ULK4: variants seen among roughly 807,000 people sequenced by gnomAD.
ULK4 encodes the protein inactive serine/threonine-protein kinase ULK4.
A neutral mutation model predicts 160.6 loss-of-function variants in ULK4; 133 were observed. That is an observed-to-expected ratio of 0.83 (90% CI 0.72 to 0.96). ULK4 has a LOEUF of 0.96. Among genes scored for constraint, ULK4 ranks in the 40% least tolerant of loss-of-function variants. The pLI is 0.00. For synonymous variants in ULK4, 534 were observed against 539.8 expected (o/e 0.99, Z 0.15); for missense variants, 1,580 against 1,499.5 (o/e 1.05, Z -0.89).
rs1230204757 is a variant in ULK4, at chr3:41,592,570, AT to A, written c.3120+23098del. 5.3e-5 allele frequency among the ~76,000 whole-genome samples: 8 copies of A among 152,314 alleles called. No homozygotes were observed. In the East Asian group the frequency reaches 1.4e-3, roughly 26 times the overall value. On this transcript the variant is annotated intron_variant, in intron 31 of 36. Transcript: ENST00000301831. ...CTCAATAACCTATGGAAATAAAAAA[AT>A]TTTTTTAAATAACAATAAAAATAAA...
At chr3:41,626,581 AG>A (rs2033520179) in intron 30 of ULK4, among the ~76,000 whole-genome samples, 1 of 146,840 alleles carries the variant, frequency 6.8e-6, no homozygotes, top group Non-Finnish European at 1.5e-5. Flanking sequence ...GCTGGAGTGC[AG>A]TGGTGCAATC....
chr3:41,628,106 T>A (rs370093119), intron 30 of ULK4, among the ~76,000 whole-genome samples: 13 of 152,146 alleles, frequency 8.5e-5, no homozygotes, highest in African/African-American at 3.1e-4. Context: ...AAAAATGAAC[T>A]GGAAGAAGTG....
intron 35 of ULK4, among the ~76,000 whole-genome samples, chr3:41,377,616 T>C (rs879771704): frequency 6.9e-6 from 1 of 144,432 alleles, no homozygotes; most frequent in Non-Finnish European, 1.5e-5. Flanking sequence ...AAAAAACACA[T>C]GAAAAAATGC....
intron 31 of ULK4, among the ~76,000 whole-genome samples, chr3:41,582,524 T>C (rs1207896427): frequency 6.6e-6 from 1 of 152,204 alleles, no homozygotes; most frequent in Admixed American, 6.5e-5. Flanking sequence ...AGCCTCATGG[T>C]CAGCCCCATA....
Position 41,811,254 on chromosome 3 carries a change from T to C in ULK4, c.1848+8169A>G, listed in dbSNP as rs376975041. ...CCCTGTTACCCAGGCTGGAATGCAG[T>C]AGCACACTCATAGCTCACTACAGCC... On this transcript the variant is annotated intron_variant, in intron 19 of 36. Coordinates refer to ENST00000301831, the MANE Select transcript of ULK4 (RefSeq NM_017886.4). Among the ~76,000 whole-genome samples, 287 of 150,440 alleles carry C rather than the reference T, an allele frequency of 1.9e-3. 2 individuals are homozygous for C. The highest frequency in any genetic ancestry group is 6.9e-3 in the African/African-American group (283 of 40,870).
At chr3:41,911,779 G>A in intron 9 of ULK4, 120 bp from the exon 10 acceptor site, 1 of 750,394 alleles carries the variant, frequency 1.3e-6, no homozygotes, top group African/African-American at 1.7e-5. Flanking sequence ...CAAAGTTACA[G>A]AATCTCTTAA....
At position 41,961,550 on chromosome 3, in the gene ULK4, A is replaced by ACCCCTCCCCCCCC. The variant is rs57463009; in HGVS notation, c.-49+465_-49+466insGGGGGGGGAGGGG. ...ACTCAGGGGCGCTACGTAGTCACTC[A>ACCCCTCCCCCCCC]CCCCCCCCCCCCCCCCCCCCGCTCC... On this transcript the variant is annotated intron_variant, in intron 1 of 36. Transcript: ENST00000301831. 1.0e-3 allele frequency among the ~76,000 whole-genome samples: 127 copies of ACCCCTCCCCCCCC among 124,620 alleles called. 9 individuals are homozygous for ACCCCTCCCCCCCC. Among genetic ancestry groups the ACCCCTCCCCCCCC allele is most frequent in the Non-Finnish European group, 1.4e-3 (88 of 63,684 alleles). 81.8% of individuals were successfully genotyped at this position (124,620 alleles called of 152,430 possible).
At chr3:41,442,664 GC>G (rs1279704528) in intron 34 of ULK4, among the ~76,000 whole-genome samples, 1 of 151,578 alleles carries the variant, frequency 6.6e-6, no homozygotes, top group Admixed American at 6.6e-5. Flanking sequence ...TGTCACCATA[GC>G]TCACTGTTAC....
intron 34 of ULK4, among the ~76,000 whole-genome samples, chr3:41,433,536 G>A (rs981099593): frequency 6.6e-6 from 1 of 152,102 alleles, no homozygotes; most frequent in Non-Finnish European, 1.5e-5. Context: ...AATTTTCAGT[G>A]CAGTTCTCTT....
At chr3:41,666,728 T>C (rs959520458) in intron 29 of ULK4, among the ~76,000 whole-genome samples, 3 of 152,124 alleles carry the variant, frequency 2.0e-5, no homozygotes, top group Admixed American at 2.0e-4. Flanking sequence ...CATGCTTGTG[T>C]GGAAATCACA....
chr3:41,891,392 A>G (rs1405351959), intron 16 of ULK4, among the ~76,000 whole-genome samples: 1 of 150,126 alleles, frequency 6.7e-6, no homozygotes, highest in East Asian at 2.0e-4. Flanking sequence ...GAAGGAGCAA[A>G]TTAGTAAAAA....
intron 34 of ULK4, among the ~76,000 whole-genome samples, chr3:41,420,608 G>C (rs750778305): frequency 6.8e-6 from 1 of 147,460 alleles, no homozygotes; most frequent in Non-Finnish European, 1.5e-5. Context: ...TTGGCCTCCC[G>C]AGCAGCTGAG....
intron 1 of ULK4, among the ~76,000 whole-genome samples, chr3:41,961,313 G>C (rs1168600466): frequency 1.3e-5 from 2 of 152,112 alleles, no homozygotes; most frequent in East Asian, 1.9e-4. Flanking sequence ...AAAAGAAAAA[G>C]TTATCGGCCC....
intron 30 of ULK4, among the ~76,000 whole-genome samples, chr3:41,629,611 A>T (rs147581761): frequency 2.5e-4 from 38 of 152,338 alleles, no homozygotes; most frequent in Non-Finnish European, 5.0e-4. Context: ...ACAGAAGGGC[A>T]TGTGGAATGG....
chr3:41,498,746 C>T (rs2085083948), intron 32 of ULK4, among the ~76,000 whole-genome samples: 1 of 152,004 alleles, frequency 6.6e-6, no homozygotes, highest in Admixed American at 6.5e-5. Flanking sequence ...CAGGTGCCCG[C>T]CATCATGCCC....
At chr3:41,863,509 A>C (rs1240935757) in intron 17 of ULK4, among the ~76,000 whole-genome samples, 1 of 152,136 alleles carries the variant, frequency 6.6e-6, no homozygotes, top group African/African-American at 2.4e-5. Context: ...TTTCTCAAGC[A>C]GGAGGAGTTT....
chr3:41,462,592 A>C lies in ULK4; in HGVS notation c.3393+495T>G, dbSNP rs765765833. On this transcript the variant is annotated intron_variant, in intron 33 of 36. Transcript: ENST00000301831. ...CACCTCTATTCCTCAAAACCATCTC[A>C]CAAGTCCATGGTATCAGTCATAAGG... 8.6e-4 allele frequency among the ~76,000 whole-genome samples: 131 copies of C among 152,262 alleles called. 1 individual carries two copies. Among genetic ancestry groups the C allele is most frequent in the Non-Finnish European group, 1.4e-3 (97 of 68,028 alleles).
intron 35 of ULK4, among the ~76,000 whole-genome samples, chr3:41,289,807 TTATGTATGTATG>T (rs34876578): frequency 0.027 from 4,023 of 147,840 alleles, 101 homozygotes; most frequent in Non-Finnish European, 0.033. Context: ...TTAGGTCAAC[TTATGTATGTATG>T]TATGTATGTA....
At chr3:41,737,933 T>C (rs912882161) in intron 22 of ULK4, among the ~76,000 whole-genome samples, 1 of 151,964 alleles carries the variant, frequency 6.6e-6, no homozygotes, top group Admixed American at 6.5e-5. Context: ...GCAGAATCCA[T>C]ACTTTGGCTA....
Sources: allele counts gnomAD v4.1 joint callset (sites outside exome capture counted in the v4.1 genomes callset), GRCh38; gene constraint gnomAD v4.1.1; transcripts MANE v1.5; gene names NCBI Gene and HGNC (gene_info 2026-07-23, HGNC 2026-07-21).